Variants in PTPRD observed in about 807,000 individuals in gnomAD.
PTPRD encodes protein tyrosine phosphatase receptor type D.
In PTPRD, 34 loss-of-function variants were observed where a neutral mutation model predicts 214.5. The ratio of observed to expected loss-of-function variants is 0.16; its 90% CI spans 0.12 to 0.21. The LOEUF (loss-of-function observed/expected upper bound fraction) is 0.21, where lower values mean the gene tolerates loss of function less well. Ranked by LOEUF, PTPRD falls within the 10% of genes least tolerant of loss-of-function variation. The pLI, the probability that PTPRD is intolerant of heterozygous loss-of-function variation, is 1.00. For missense variants in PTPRD, 2,545 were observed against 2,398.7 expected, an observed-to-expected ratio of 1.06 and a Z score of -1.27; for synonymous variants, 1,128 against 845.7, an observed-to-expected ratio of 1.33 and a Z score of -5.79.
chr9:10,584,681 T>C (rs1354162108), intron 2 of PTPRD, among the ~76,000 whole-genome samples: 6 of 152,190 alleles, frequency 3.9e-5, no homozygotes, highest in African/African-American at 1.4e-4. Flanking sequence ...AATTGAATAA[T>C]GACATATATC....
chr9:8,987,131 G>A (rs1384784050), intron 11 of PTPRD, among the ~76,000 whole-genome samples: 1 of 152,006 alleles, frequency 6.6e-6, no homozygotes, highest in Non-Finnish European at 1.5e-5. Flanking sequence ...AGCTTGAAGT[G>A]TATTCCCCAT....
intron 12 of PTPRD, among the ~76,000 whole-genome samples, chr9:8,664,963 A>C (rs1265435128): frequency 6.6e-6 from 1 of 152,198 alleles, no homozygotes; most frequent in Non-Finnish European, 1.5e-5. Flanking sequence ...CACCAACTAC[A>C]CACAATTGAG....
At chr9:9,257,765 C>T (rs1056882277) in intron 9 of PTPRD, among the ~76,000 whole-genome samples, 3 of 151,892 alleles carry the variant, frequency 2.0e-5, no homozygotes, top group Non-Finnish European at 2.9e-5. Flanking sequence ...GTCTGGATGA[C>T]AAAATGAGAC....
intron 3 of PTPRD, among the ~76,000 whole-genome samples, chr9:10,292,021 T>G (rs1000082782): frequency 6.6e-6 from 1 of 152,080 alleles, no homozygotes; most frequent in Non-Finnish European, 1.5e-5. Flanking sequence ...TAAGTAGCCT[T>G]AGAGTAAGCT....
intron 12 of PTPRD, among the ~76,000 whole-genome samples, chr9:8,674,456 C>T (rs1484167116): frequency 1.6e-5 from 1 of 62,334 alleles, no homozygotes; most frequent in African/African-American, 6.5e-5. Context: ...GACGCTGTCT[C>T]AAAAAAAAAA....
At chr9:8,454,932 T>C (rs1437883525) in intron 33 of PTPRD, among the ~76,000 whole-genome samples, 2 of 152,022 alleles carry the variant, frequency 1.3e-5, no homozygotes, top group Non-Finnish European at 2.9e-5. Flanking sequence ...AGTGGAGAGA[T>C]AATTTGATTT....
At chr9:10,006,665 C>T (rs570765311) in intron 4 of PTPRD, among the ~76,000 whole-genome samples, 16 of 151,924 alleles carry the variant, frequency 1.1e-4, no homozygotes, top group East Asian at 5.8e-4. Flanking sequence ...TTACATTGGA[C>T]GAATAATCAG....
intron 35 of PTPRD, among the ~76,000 whole-genome samples, chr9:8,428,636 G>GA (rs1470415939): frequency 2.0e-5 from 3 of 152,040 alleles, no homozygotes; most frequent in African/African-American, 4.8e-5. Context: ...CCACCTTCAA[G>GA]AAAAAATCCA....
At chr9:9,429,903 A>C (rs190789591) in intron 8 of PTPRD, among the ~76,000 whole-genome samples, 11 of 152,326 alleles carry the variant, frequency 7.2e-5, no homozygotes, top group Admixed American at 6.5e-4. Flanking sequence ...AATGTATCTC[A>C]AAATAATAAT....
intron 2 of PTPRD, among the ~76,000 whole-genome samples, chr9:10,448,367 C>T (rs1023528385): frequency 1.3e-5 from 2 of 152,046 alleles, no homozygotes; most frequent in East Asian, 3.9e-4. Context: ...TGTTTCTGAA[C>T]AGACTAAAGT....
chr9:9,975,089 C>G (rs771241379), intron 4 of PTPRD, among the ~76,000 whole-genome samples: 35 of 151,840 alleles, frequency 2.3e-4, no homozygotes, highest in Non-Finnish European at 7.4e-5. Context: ...CTAACCCACT[C>G]TCCCGTTAGC....
At chr9:9,288,542 CAG>C (rs1052506321) in intron 9 of PTPRD, among the ~76,000 whole-genome samples, 6 of 151,768 alleles carry the variant, frequency 4.0e-5, no homozygotes, top group African/African-American at 9.7e-5. Flanking sequence ...TATTTAAAAA[CAG>C]AAAATTATTA....
intron 2 of PTPRD, among the ~76,000 whole-genome samples, chr9:10,559,882 T>C (rs543288104): frequency 6.6e-6 from 1 of 152,028 alleles, no homozygotes; most frequent in Non-Finnish European, 1.5e-5. Context: ...CCAGTTAGAA[T>C]GGCAATCATT....
At chr9:8,773,335 C>T (rs757968303) in intron 11 of PTPRD, among the ~76,000 whole-genome samples, 7 of 152,142 alleles carry the variant, frequency 4.6e-5, no homozygotes, top group Admixed American at 1.3e-4. Context: ...GACACTCGGC[C>T]CCATCTTCCC....
At chr9:8,728,684 T>TA (rs1234146991) in intron 12 of PTPRD, among the ~76,000 whole-genome samples, 23 of 152,176 alleles carry the variant, frequency 1.5e-4, no homozygotes, top group Non-Finnish European at 1.5e-5. Context: ...CCTATTCCTT[T>TA]AAAAAAATGT....
chr9:9,793,679 A>G (rs975778492), intron 5 of PTPRD, among the ~76,000 whole-genome samples: 7 of 152,118 alleles, frequency 4.6e-5, no homozygotes, highest in African/African-American at 1.7e-4. Context: ...CAAAGGTTTC[A>G]AATTCAGCTC....
Position 9,191,218 on chromosome 9 carries a change from G to C in PTPRD, c.-202-7855C>G, listed in dbSNP as rs568954379. Among the ~76,000 whole-genome samples, 64 of 152,220 alleles carry C rather than the reference G, an allele frequency of 4.2e-4. No individual in the cohort carries two copies. In the South Asian group the frequency reaches 0.012, roughly 30 times the overall value. The stretch of plus-strand genomic sequence containing the variant: ...ACATGATGACTAGCCCTATAGAAGG[G>C]CCCATGTGGCAAAAGGTTAATTTCT... On this transcript the variant is annotated intron_variant, in intron 9 of 45. Coordinates refer to ENST00000381196, the MANE Select transcript of PTPRD (RefSeq NM_002839.4).
intron 5 of PTPRD, among the ~76,000 whole-genome samples, chr9:9,928,771 C>CACAG (rs1026181885): frequency 1.2e-4 from 18 of 151,738 alleles, no homozygotes; most frequent in Admixed American, 1.1e-3. Context: ...CACACACACA[C>CACAG]ACACACACAC....
intron 5 of PTPRD, among the ~76,000 whole-genome samples, chr9:9,864,409 A>AAAT (rs2063489818): frequency 1.3e-5 from 2 of 152,208 alleles, no homozygotes; most frequent in Non-Finnish European, 2.9e-5. Context: ...GAACTGAAGG[A>AAAT]AATACATGGG....
Sources: allele counts gnomAD v4.1 joint callset (sites outside exome capture counted in the v4.1 genomes callset), GRCh38; gene constraint gnomAD v4.1.1; transcripts MANE v1.5; gene names NCBI Gene and HGNC (gene_info 2026-07-23, HGNC 2026-07-21).